Variants in GALNT17 observed in about 807,000 individuals in gnomAD.
GALNT17 encodes the protein polypeptide N-acetylgalactosaminyltransferase 17.
GALNT17 carries 29 observed loss-of-function variants against 63.7 expected under a neutral mutation model. That is an observed-to-expected ratio of 0.46 (90% CI 0.34 to 0.62). GALNT17 has a LOEUF of 0.62. Ranked by LOEUF, GALNT17 falls within the 20% of genes least tolerant of loss-of-function variation. The probability of loss-of-function intolerance (pLI) is 0.01; values close to 1 mark genes in which losing one functional copy is unlikely to be tolerated. For missense variants in GALNT17, 603 were observed against 799.6 expected (o/e 0.75, Z 2.97); for synonymous variants, 305 against 318.3 (o/e 0.96, Z 0.45).
At chr7:71,239,504 A>G (rs1789956406) in intron 1 of GALNT17, among the ~76,000 whole-genome samples, 1 of 152,204 alleles carries the variant, frequency 6.6e-6, no homozygotes. Flanking sequence ...ATAAAAAAAT[A>G]CTGTGTTCAT....
chr7:71,320,164 C>G (rs1562999582), intron 1 of GALNT17, among the ~76,000 whole-genome samples: 1 of 152,182 alleles, frequency 6.6e-6, no homozygotes, highest in Admixed American at 6.5e-5. Flanking sequence ...CATGCATACT[C>G]TTCCCCTGAA....
chr7:71,573,709 G>A (rs1056490150), intron 6 of GALNT17, among the ~76,000 whole-genome samples: 2 of 152,006 alleles, frequency 1.3e-5, no homozygotes, highest in African/African-American at 2.4e-5. Context: ...TTATATAGGT[G>A]AATTGTGTAT....
intron 1 of GALNT17, among the ~76,000 whole-genome samples, chr7:71,278,746 C>T (rs931573027): frequency 6.6e-6 from 1 of 152,038 alleles, no homozygotes; most frequent in Non-Finnish European, 1.5e-5. Context: ...CATGAGAACT[C>T]ACTATCATGA....
chr7:71,493,058 ATGT>A (rs1788036466), intron 5 of GALNT17, among the ~76,000 whole-genome samples: 3 of 152,250 alleles, frequency 2.0e-5, no homozygotes, highest in Non-Finnish European at 4.4e-5. Flanking sequence ...AATAGTTTTG[ATGT>A]ATGCTACAGC....
chr7:71,711,891 TC>T (rs1449830040), intron 10 of GALNT17, 126 bp from the exon 11 acceptor site: 2 of 1,052,592 alleles, frequency 1.9e-6, no homozygotes, highest in African/African-American at 3.2e-5. Flanking sequence ...TCTCTCTTTC[TC>T]TTCTCTTTTT....
rs1435086766 is a variant in GALNT17, at chr7:71,606,157, G to A, written c.1080+34755G>A. Among the ~76,000 whole-genome samples, 4 of 127,136 alleles carry A rather than the reference G, an allele frequency of 3.1e-5. No individual in the cohort carries two copies. In the East Asian group the frequency reaches 8.9e-4, roughly 28 times the overall value. 83.4% of individuals were successfully genotyped at this position (127,136 alleles called of 152,430 possible). On this transcript the variant is annotated intron_variant, in intron 6 of 10. Coordinates refer to ENST00000333538, the MANE Select transcript of GALNT17 (RefSeq NM_022479.3). ...TTTTGTACAGACAGGGTTTCATTAT[G>A]CTGCCCAGGCTGGTCTCAAACTCCT...
intron 5 of GALNT17, among the ~76,000 whole-genome samples, chr7:71,546,161 C>CTTTTTTTTTTTTTTTT (rs34711093): frequency 7.3e-6 from 1 of 136,604 alleles, no homozygotes; most frequent in Non-Finnish European, 1.6e-5. Flanking sequence ...TTGAGGGACA[C>CTTTTTTTTTTTTTTTT]TTTTTTTTTT....
intron 5 of GALNT17, among the ~76,000 whole-genome samples, chr7:71,466,195 C>T (rs973808227): frequency 1.3e-5 from 2 of 152,136 alleles, no homozygotes; most frequent in South Asian, 4.1e-4. Context: ...AAATAAAAGT[C>T]CTCCTGCTGA....
At chr7:71,595,445 G>A (rs77863638) in intron 6 of GALNT17, among the ~76,000 whole-genome samples, 8 of 141,548 alleles carry the variant, frequency 5.7e-5, no homozygotes, top group African/African-American at 2.5e-4. Context: ...AAAAAAAAAA[G>A]ATGCAAAGGA....
intron 5 of GALNT17, among the ~76,000 whole-genome samples, chr7:71,484,125 C>T (rs897879734): frequency 6.6e-6 from 1 of 152,168 alleles, no homozygotes; most frequent in Non-Finnish European, 1.5e-5. Context: ...GGAACACACT[C>T]TAAAATAATG....
At chr7:71,445,362 TG>T (rs1787143224) in intron 5 of GALNT17, among the ~76,000 whole-genome samples, 2 of 151,072 alleles carry the variant, frequency 1.3e-5, no homozygotes, top group Non-Finnish European at 3.0e-5. Flanking sequence ...TATTTTTGTT[TG>T]TTTTTTTTTT....
intron 6 of GALNT17, among the ~76,000 whole-genome samples, chr7:71,617,030 T>C (rs1456184979): frequency 7.6e-6 from 1 of 131,416 alleles, no homozygotes; most frequent in East Asian, 2.0e-4. Flanking sequence ...CTATTAACTA[T>C]ATGAATATAT....
intron 1 of GALNT17, among the ~76,000 whole-genome samples, chr7:71,139,201 A>C (rs576474703): frequency 6.6e-6 from 1 of 152,232 alleles, no homozygotes; most frequent in South Asian, 2.1e-4. Flanking sequence ...CAGGAATACC[A>C]GGGTACTTCC....
intron 2 of GALNT17, among the ~76,000 whole-genome samples, chr7:71,380,570 T>C: frequency 6.6e-6 from 1 of 152,056 alleles, no homozygotes; most frequent in Non-Finnish European, 1.5e-5. Context: ...ATCCTCCTGC[T>C]TCAGCCTCCC....
At chr7:71,638,212 G>T (rs1044826674) in intron 6 of GALNT17, among the ~76,000 whole-genome samples, 18 of 152,278 alleles carry the variant, frequency 1.2e-4, no homozygotes, top group South Asian at 2.1e-4. Flanking sequence ...AAGACCAGAG[G>T]TCACTCTCAT....
intron 5 of GALNT17, among the ~76,000 whole-genome samples, chr7:71,501,425 T>G (rs1788178734): frequency 6.6e-6 from 1 of 151,978 alleles, no homozygotes; most frequent in Non-Finnish European, 1.5e-5. Context: ...CCACCATGCC[T>G]GGCTAACTTT....
At chr7:71,610,730 C>G (rs1790112998) in intron 6 of GALNT17, among the ~76,000 whole-genome samples, 1 of 151,824 alleles carries the variant, frequency 6.6e-6, no homozygotes, top group Non-Finnish European at 1.5e-5. Flanking sequence ...TGCGGTGGCT[C>G]ATGCCTGCAC....
At position 71,704,488 on chromosome 7, in the gene GALNT17, CT is replaced by C. The variant is rs34146294; in HGVS notation, c.1501-6258del. On this transcript the variant is annotated intron_variant, in intron 9 of 10. Transcript: ENST00000333538. ...CAATCCCTATCAAAATGCCAACTGC[CT>C]TTTTTTTTTTTTTTGCAGAAATGGA... Among the ~76,000 whole-genome samples the C allele has an allele frequency of 4.0e-3, 563 of 141,330 alleles. 6 individuals are homozygous for C. Among genetic ancestry groups the C allele is most frequent in the South Asian group, 0.015 (65 of 4,412 alleles). 92.7% of individuals were successfully genotyped at this position (141,330 alleles called of 152,430 possible). A position where few individuals can be genotyped will look rare whatever the true frequency, so the allele number is the denominator to read the frequency against.
At chr7:71,664,215 C>G (rs1230666090) in intron 6 of GALNT17, among the ~76,000 whole-genome samples, 1 of 152,086 alleles carries the variant, frequency 6.6e-6, no homozygotes, top group African/African-American at 2.4e-5. Context: ...CTGAATAGTT[C>G]AGTAATAGCA....
Sources: gnomAD v4.1 joint callset for allele counts (sites outside exome capture counted in the v4.1 genomes callset) on GRCh38, gnomAD v4.1.1 for gene constraint, MANE v1.5 for transcripts, NCBI Gene and HGNC (gene_info 2026-07-23, HGNC 2026-07-21) for gene names.